Variants in NECAB2 observed in about 807,000 individuals in gnomAD.
NECAB2 encodes the protein N-terminal EF-hand calcium-binding protein 2.
In NECAB2, 68 loss-of-function variants were observed where a neutral mutation model predicts 51.9. The observed-to-expected ratio is 1.31, with a 90% CI of 1.08 to 1.60. NECAB2 has a LOEUF of 1.60. Ranked by LOEUF, NECAB2 falls within the 40% of genes most tolerant of loss-of-function variation. The probability of loss-of-function intolerance (pLI) is 0.00; values close to 1 mark genes in which losing one functional copy is unlikely to be tolerated. For missense variants in NECAB2, 854 were observed against 490.3 expected (o/e 1.74, Z -7.00); for synonymous variants, 329 against 203.5 (o/e 1.62, Z -5.25).
At chr16:83,992,326 C>T (rs575072327) in intron 6 of NECAB2, among the ~76,000 whole-genome samples, 7 of 150,758 alleles carry the variant, frequency 4.6e-5, no homozygotes, top group South Asian at 2.1e-4. Flanking sequence ...TAGAGAGGAG[C>T]GACATTCTCG....
chr16:83,990,349 G>T, intron 5 of NECAB2, 145 bp from the exon 6 acceptor site: 1 of 1,040,808 alleles, frequency 9.6e-7, no homozygotes, highest in East Asian at 2.4e-5. Flanking sequence ...CTCTAAGACT[G>T]GACCCCAGGA....
intron 9 of NECAB2, among the ~76,000 whole-genome samples, chr16:83,997,980 T>A (rs1297499738): frequency 6.6e-6 from 1 of 152,136 alleles, no homozygotes; most frequent in Non-Finnish European, 1.5e-5. Flanking sequence ...AACAACCTCG[T>A]CTGTTTTCCC....
At chr16:83,989,624 C>A (rs534322177) in intron 5 of NECAB2, among the ~76,000 whole-genome samples, 1 of 152,080 alleles carries the variant, frequency 6.6e-6, no homozygotes, top group Non-Finnish European at 1.5e-5. Flanking sequence ...ACCCAAGATC[C>A]CCCAACACAG....
rs2084313081 is a variant in NECAB2, at chr16:83,968,541, A to C, written c.-108A>C. ...TGTCCGCGGCCGCGGGGGCAGCGGG[A>C]GAGAGGGCGGGGCGGCGCGGGCAGC... On this transcript the variant is annotated 5_prime_UTR_variant, in exon 1 of 13. Coordinates refer to ENST00000305202, the MANE Select transcript of NECAB2 (RefSeq NM_019065.3). 1.4e-5 allele frequency: 12 copies of C among 847,082 alleles called. 1 individual carries two copies. In the South Asian group the frequency reaches 3.7e-4, roughly 26 times the overall value. The allele number at this position is 847,082 out of a possible 1,614,324, so 52.5% of individuals were successfully genotyped here.
intron 8 of NECAB2, among the ~76,000 whole-genome samples, chr16:83,996,717 G>C (rs2084705269): frequency 6.6e-6 from 1 of 152,174 alleles, no homozygotes; most frequent in Admixed American, 6.5e-5. Flanking sequence ...TCAGCCCTGT[G>C]TGGGCACCAG....
chr16:84,000,832 G>T, intron 11 of NECAB2, 31 bp downstream of exon 11: 1 of 1,400,964 alleles, frequency 7.1e-7, no homozygotes, highest in African/African-American at 1.5e-5. Context: ...AGCAGGTGAG[G>T]GAGACAGAGG....
At chr16:83,973,707 T>C (rs536847007) in intron 2 of NECAB2, among the ~76,000 whole-genome samples, 3 of 152,062 alleles carry the variant, frequency 2.0e-5, no homozygotes, top group Non-Finnish European at 4.4e-5. Context: ...GTTTGTCCCT[T>C]GTCCCGGGCC....
intron 2 of NECAB2, 58 bp from the exon 3 acceptor site, chr16:83,978,386 G>A: frequency 6.9e-7 from 1 of 1,448,410 alleles, no homozygotes; most frequent in Non-Finnish European, 9.6e-7. Context: ...GCATGCACTA[G>A]CCCCACCAGC....
Position 83,968,801 on chromosome 16 carries a change from G to C in NECAB2, c.153G>C (p.Ala51=). The change falls in exon 1 of 13, where the codon GCG becomes GCC. Residue 51 remains alanine, a synonymous_variant. Coordinates refer to ENST00000305202, the MANE Select transcript of NECAB2 (RefSeq NM_019065.3). The part of the protein sequence containing the change: ...PRESLAPAAP[A]DPGPASPRGG... The stretch of plus-strand genomic sequence containing the variant: ...AGTCGCTGGCCCCCGCCGCCCCCGC[G>C]GACCCCGGCCCAGCCTCGCCGCGCG... 8.9e-6 allele frequency: 10 copies of C among 1,123,714 alleles called. No homozygotes were observed. Among genetic ancestry groups the C allele is most frequent in the Non-Finnish European group, 1.1e-5 (10 of 920,026 alleles). The allele number at this position is 1,123,714 out of a possible 1,614,324, so 69.6% of individuals were successfully genotyped here. A position where few individuals can be genotyped will look rare whatever the true frequency, so the allele number is the denominator to read the frequency against.
intron 5 of NECAB2, among the ~76,000 whole-genome samples, chr16:83,985,462 G>A (rs996448832): frequency 8.6e-5 from 13 of 150,428 alleles, no homozygotes; most frequent in Non-Finnish European, 1.2e-4. Flanking sequence ...GTGAAACCCC[G>A]TCTCTACTAA....
At chr16:83,975,989 A>G (rs1373361724) in intron 2 of NECAB2, among the ~76,000 whole-genome samples, 1 of 152,026 alleles carries the variant, frequency 6.6e-6, no homozygotes, top group African/African-American at 2.4e-5. Flanking sequence ...GTGAGGGGGC[A>G]CCTTGCTGGC....
chr16:83,992,633 C>G (rs925869368), intron 6 of NECAB2, among the ~76,000 whole-genome samples: 1 of 152,116 alleles, frequency 6.6e-6, no homozygotes, highest in Non-Finnish European at 1.5e-5. Context: ...AAGAGCTGGT[C>G]CTGATCAGAC....
chr16:83,984,427 A>C (rs1385853040), intron 5 of NECAB2, among the ~76,000 whole-genome samples: 3 of 152,132 alleles, frequency 2.0e-5, no homozygotes, highest in Non-Finnish European at 2.9e-5. Context: ...CATTAAGTTC[A>C]ATAAAAGATC....
chr16:84,000,922 G>C, intron 11 of NECAB2, 121 bp downstream of exon 11: 1 of 950,746 alleles, frequency 1.1e-6, no homozygotes, highest in Non-Finnish European at 1.6e-6. Flanking sequence ...AGATTCCCGA[G>C]GCATCTACCC....
chr16:83,999,133 G>C (rs1350537180), intron 10 of NECAB2, among the ~76,000 whole-genome samples: 2 of 152,192 alleles, frequency 1.3e-5, no homozygotes, highest in South Asian at 4.1e-4. Flanking sequence ...GTCTTCTTGG[G>C]CCCCCTGTGC....
chr16:84,000,298 G>A (rs1412483568), intron 10 of NECAB2, among the ~76,000 whole-genome samples: 3 of 152,190 alleles, frequency 2.0e-5, no homozygotes, highest in African/African-American at 7.2e-5. Context: ...GGGAAGCCAA[G>A]GTGAGAAGAC....
In NECAB2 at chr16:83,994,217, A is replaced by G. The variant is rs2084664049; in HGVS notation, c.597-85A>G. On this transcript the variant is annotated intron_variant, in intron 6 of 12. Coordinates refer to ENST00000305202, the MANE Select transcript of NECAB2 (RefSeq NM_019065.3). ...CATGTGTGAGTCCACTGTCTTGCGT[A>G]ATAAATGCCTGTGGAAGATGCTGGA... 1.6e-6 allele frequency: 2 copies of G among 1,231,166 alleles called. 1 individual carries two copies. The highest frequency in any genetic ancestry group is 2.4e-5 in the South Asian group (2 of 81,760). The allele number at this position is 1,231,166 out of a possible 1,614,324, so 76.3% of individuals were successfully genotyped here.
At chr16:83,992,942 T>C (rs1301473040) in intron 6 of NECAB2, among the ~76,000 whole-genome samples, 1 of 151,944 alleles carries the variant, frequency 6.6e-6, no homozygotes. Flanking sequence ...ACAGATAGTA[T>C]GGCTGCGCAG....
At chr16:83,971,903 G>T (rs1020307882) in intron 1 of NECAB2, 2 of 596,288 alleles carry the variant, frequency 3.4e-6, no homozygotes, top group South Asian at 2.0e-5. Flanking sequence ...TGTCAGCGTG[G>T]CTGGGAGCAG....
Sources: gnomAD v4.1 joint callset for allele counts (sites outside exome capture counted in the v4.1 genomes callset) on GRCh38, gnomAD v4.1.1 for gene constraint, MANE v1.5 for transcripts, NCBI Gene and HGNC (gene_info 2026-07-23, HGNC 2026-07-21) for gene names.